Variants in POU2AF1 observed in about 807,000 individuals in gnomAD.
POU2AF1 encodes POU class 2 homeobox associating factor 1.
A neutral mutation model predicts 26.3 loss-of-function variants in POU2AF1; 12 were observed. That is an observed-to-expected ratio of 0.46 (90% CI 0.29 to 0.74). POU2AF1 has a LOEUF of 0.74. Among genes scored for constraint, POU2AF1 ranks in the 30% least tolerant of loss-of-function variants. The pLI is 0.09. For synonymous variants in POU2AF1, 175 were observed against 148.0 expected (o/e 1.18, Z -1.32); for missense variants, 297 against 334.5 (o/e 0.89, Z 0.87).
chr11:111,378,887 C>G (rs558400566), intron 1 of POU2AF1, among the ~76,000 whole-genome samples: 2 of 152,290 alleles, frequency 1.3e-5, no homozygotes, highest in South Asian at 2.1e-4. Flanking sequence ...GTGATTCATG[C>G]ACAGAAGCGG....
chr11:111,358,898 G>C lies in POU2AF1; in HGVS notation c.37C>G (p.Pro13Ala). The change falls in exon 2 of 5, where the codon CCA (proline) becomes GCA (alanine). Residue 13 changes from proline (P) to alanine (A), a missense_variant. Coordinates refer to ENST00000393067, the MANE Select transcript of POU2AF1 (RefSeq NM_006235.3). ...WQKPTAPEQA[P>A]APARPYQGVR... ...CCCTGGTATGGCCGGGCCGGGGCTG[G>C]GGCTTGCTCCGGAGCTGTGGCTGTG... 1 of 1,606,534 alleles carries C rather than the reference G, an allele frequency of 6.2e-7. No homozygotes were observed. Among genetic ancestry groups the C allele is most frequent in the Admixed American group, 1.7e-5 (1 of 59,982 alleles).
chr11:111,367,976 G>A lies in POU2AF1; in HGVS notation c.17-9058C>T, dbSNP rs145407498. ...CAGATACACTGTGTCCCAGGGTAGG[G>A]GACAAGACCAAGAGACCCCTGGCAG... On this transcript the variant is annotated intron_variant, in intron 1 of 4. Transcript: ENST00000393067. Among the ~76,000 whole-genome samples the A allele has an allele frequency of 9.2e-5, 14 of 152,284 alleles. No individual in the cohort carries two copies. In the East Asian group the frequency reaches 2.7e-3, roughly 29 times the overall value.
intron 1 of POU2AF1, among the ~76,000 whole-genome samples, chr11:111,359,575 A>G (rs1860965505): frequency 6.6e-6 from 1 of 152,242 alleles, no homozygotes; most frequent in African/African-American, 2.4e-5. Flanking sequence ...GTGCCTCTTA[A>G]TCTTCAGTTT....
intron 1 of POU2AF1, among the ~76,000 whole-genome samples, chr11:111,375,153 T>C (rs948654216): frequency 6.6e-6 from 1 of 152,202 alleles, no homozygotes; most frequent in African/African-American, 2.4e-5. Context: ...CAGTCAAGCC[T>C]GCCTTTCATT....
At chr11:111,359,262 C>A in intron 1 of POU2AF1, 2 of 299,872 alleles carry the variant, frequency 6.7e-6, no homozygotes, top group Non-Finnish European at 1.2e-5. Flanking sequence ...CGTGTTCCTG[C>A]GTGTCTCACC....
intron 1 of POU2AF1, chr11:111,359,124 G>A (rs2135116513): frequency 1.3e-6 from 1 of 784,532 alleles, no homozygotes; most frequent in African/African-American, 1.7e-5. Context: ...AGACAACGAA[G>A]GCCCAGCTCC....
chr11:111,358,759 C>G, intron 2 of POU2AF1, 29 bp downstream of exon 2: 1 of 1,552,174 alleles, frequency 6.4e-7, no homozygotes, highest in Non-Finnish European at 8.7e-7. Context: ...CACACACACA[C>G]TCACACTCTC....
chr11:111,371,766 C>T (rs1034945341), intron 1 of POU2AF1, among the ~76,000 whole-genome samples: 4 of 151,944 alleles, frequency 2.6e-5, no homozygotes, highest in African/African-American at 9.7e-5. Flanking sequence ...CAGCAGAAAA[C>T]CCCTACCACA....
chr11:111,372,053 C>CAGAGAGAGAGAGAGAGAGAGAGAGAG (rs1452632987), intron 1 of POU2AF1, among the ~76,000 whole-genome samples: 2 of 128,088 alleles, frequency 1.6e-5, no homozygotes, highest in Admixed American at 7.5e-5. Context: ...CACACACACA[C>CAGAGAGAGAGAGAGAGAGAGAGAGAG]ACACACACAC....
chr11:111,359,123 AGGCCCAGCTCCTT>A, intron 1 of POU2AF1: 1 of 786,074 alleles, frequency 1.3e-6, no homozygotes. Flanking sequence ...CAGACAACGA[AGGCCCAGCTCCTT>A]GTCCTAGAAT....
intron 4 of POU2AF1, among the ~76,000 whole-genome samples, chr11:111,355,217 C>G (rs118012190): frequency 0.023 from 3,494 of 152,310 alleles, 50 homozygotes; most frequent in Middle Eastern, 0.12. Flanking sequence ...CTGCCTGGTG[C>G]CTTCCACATC....
chr11:111,363,558 A>G lies in POU2AF1; in HGVS notation c.17-4640T>C, dbSNP rs573913348. 1.1e-5 allele frequency: 9 copies of G among 841,906 alleles called. No individual in the cohort carries two copies. In the East Asian group the frequency reaches 7.3e-4, roughly 68 times the overall value. 52.2% of individuals were successfully genotyped at this position (841,906 alleles called of 1,614,324 possible). On this transcript the variant is annotated intron_variant, in intron 1 of 4. Transcript: ENST00000393067. The stretch of plus-strand genomic sequence containing the variant: ...AGAGGAAAAAAGTTTGTCTAAAATC[A>G]CGGTTGCCTCACCTTGGGGATCCCG...
At chr11:111,357,186 T>A (rs1174844708) in intron 4 of POU2AF1, among the ~76,000 whole-genome samples, 1 of 151,958 alleles carries the variant, frequency 6.6e-6, no homozygotes, top group Non-Finnish European at 1.5e-5. Context: ...GCTGGGGAGA[T>A]TTAGAACAGG....
At chr11:111,367,792 A>G (rs996859818) in intron 1 of POU2AF1, among the ~76,000 whole-genome samples, 3 of 152,246 alleles carry the variant, frequency 2.0e-5, no homozygotes, top group African/African-American at 7.2e-5. Context: ...GCCTTCTCAC[A>G]TGAGGAGTGA....
intron 2 of POU2AF1, among the ~76,000 whole-genome samples, chr11:111,358,360 T>TCACACACTCA (rs1555074316): frequency 2.4e-5 from 2 of 83,424 alleles, no homozygotes; most frequent in African/African-American, 3.9e-5. Context: ...ACTCACACTC[T>TCACACACTCA]CACACACTCA....
At chr11:111,369,846 G>T (rs1056617983) in intron 1 of POU2AF1, among the ~76,000 whole-genome samples, 1 of 152,208 alleles carries the variant, frequency 6.6e-6, no homozygotes, top group Non-Finnish European at 1.5e-5. Context: ...CTTGAATCTA[G>T]AATTGCCCAT....
At chr11:111,358,716 TCA>T (rs1356968852) in intron 2 of POU2AF1, 70 bp downstream of exon 2, 5 of 1,507,928 alleles carry the variant, frequency 3.3e-6, no homozygotes, top group East Asian at 4.9e-5. Flanking sequence ...ACATACACTC[TCA>T]CACTATCCCT....
At chr11:111,370,007 CA>C (rs2135132701) in intron 1 of POU2AF1, among the ~76,000 whole-genome samples, 1 of 152,310 alleles carries the variant, frequency 6.6e-6, no homozygotes, top group Non-Finnish European at 1.5e-5. Context: ...CTGAGACCAT[CA>C]TGTAAGGACC....
intron 1 of POU2AF1, among the ~76,000 whole-genome samples, chr11:111,367,186 C>T (rs1298537126): frequency 1.3e-5 from 2 of 152,170 alleles, no homozygotes; most frequent in Non-Finnish European, 2.9e-5. Context: ...ACCACACCTC[C>T]CTTCCTCTGA....
Sources: allele counts gnomAD v4.1 joint callset (sites outside exome capture counted in the v4.1 genomes callset), GRCh38; gene constraint gnomAD v4.1.1; transcripts MANE v1.5; gene names NCBI Gene and HGNC (gene_info 2026-07-23, HGNC 2026-07-21).